TLK2: variants seen among roughly 807,000 people sequenced by gnomAD.
The protein encoded by TLK2 is serine/threonine-protein kinase tousled-like 2.
TLK2 carries 6 observed loss-of-function variants against 117.3 expected under a neutral mutation model. That is an observed-to-expected ratio of 0.05 (90% CI 0.03 to 0.10). TLK2 has a LOEUF of 0.10. Among genes scored for constraint, TLK2 ranks in the 10% least tolerant of loss-of-function variants. TLK2 has a pLI of 1.00. For synonymous variants in TLK2, 257 were observed against 316.7 expected, an observed-to-expected ratio of 0.81 and a Z score of 2.00; for missense variants, 299 against 901.2, an observed-to-expected ratio of 0.33 and a Z score of 8.56.
intron 6 of TLK2, among the ~76,000 whole-genome samples, chr17:62,529,695 T>G (rs140888502): frequency 6.6e-6 from 1 of 152,346 alleles, no homozygotes; most frequent in East Asian, 1.9e-4. Flanking sequence ...CTAAAATTTT[T>G]TATTATCCTA....
In TLK2 at chr17:62,605,500, G is replaced by A. The variant is rs374764180; in HGVS notation, c.1860-630G>A. Among the ~76,000 whole-genome samples the A allele has an allele frequency of 1.5e-3, 231 of 152,090 alleles. 8 individuals are homozygous for A. In the South Asian group the frequency reaches 0.046, roughly 30 times the overall value. On this transcript the variant is annotated intron_variant, in intron 19 of 21. Coordinates refer to ENST00000346027, the MANE Select transcript of TLK2 (RefSeq NM_006852.6). ...TGATCCTCCCGCCTCAGCTTCCCAAGCAGCTGGAGCTACAGGGGTGTGCTA... is the reference window on the plus strand; with the variant it reads ...TGATCCTCCCGCCTCAGCTTCCCAAACAGCTGGAGCTACAGGGGTGTGCTA...
At chr17:62,524,950 A>G (rs2076274800) in intron 6 of TLK2, among the ~76,000 whole-genome samples, 1 of 152,224 alleles carries the variant, frequency 6.6e-6, no homozygotes, top group Non-Finnish European at 1.5e-5. Context: ...GCTGGTAAAC[A>G]TTCTGTAATG....
At chr17:62,499,714 G>C (rs972239650) in intron 2 of TLK2, among the ~76,000 whole-genome samples, 8 of 151,988 alleles carry the variant, frequency 5.3e-5, no homozygotes, top group African/African-American at 1.5e-4. Context: ...AGCCGGGCAT[G>C]GTGGCATGTG....
At position 62,517,680 on chromosome 17, in the gene TLK2, C is replaced by T. The variant is rs115198630; in HGVS notation, c.82-3093C>T. Among the ~76,000 whole-genome samples, 873 of 151,458 alleles carry T rather than the reference C, an allele frequency of 5.8e-3. 9 individuals are homozygous for T. Among genetic ancestry groups the T allele is most frequent in the African/African-American group, 0.02 (832 of 41,232 alleles). ...TACAGGCGTGAGCCACCACGCCGGC[C>T]GAATTTTTTAAAATTAATTATTATT... On this transcript the variant is annotated intron_variant, in intron 2 of 21. Transcript: ENST00000346027.
At chr17:62,548,350 C>T (rs2078122879) in intron 7 of TLK2, among the ~76,000 whole-genome samples, 1 of 150,992 alleles carries the variant, frequency 6.6e-6, no homozygotes, top group Non-Finnish European at 1.5e-5. Context: ...GGTACGATCT[C>T]GACTCACTGC....
intron 7 of TLK2, 128 bp downstream of exon 7, chr17:62,536,465 C>G: frequency 2.0e-6 from 2 of 1,019,462 alleles, no homozygotes; most frequent in Non-Finnish European, 2.8e-6. Flanking sequence ...TGTGATCTCC[C>G]CTTATCATCA....
At position 62,576,696 on chromosome 17, in the gene TLK2, C is replaced by T. The variant is rs746978581; in HGVS notation, c.1122-13C>T. The T allele has an allele frequency of 8.1e-6, 13 of 1,607,662 alleles. No individual in the cohort carries two copies. Among genetic ancestry groups the T allele is most frequent in the Admixed American group, 6.7e-5 (4 of 59,290 alleles). The stretch of plus-strand genomic sequence containing the variant: ...TCTAGTAGTTTACTGAAACTTTTAC[C>T]ACTGTTTTTCAGGTTAACGTTAGCA... On this transcript the variant is annotated splice_polypyrimidine_tract_variant and intron_variant, in intron 12 of 21. Coordinates refer to ENST00000346027, the MANE Select transcript of TLK2 (RefSeq NM_006852.6).
chr17:62,543,847 A>T (rs1424351625), intron 7 of TLK2, among the ~76,000 whole-genome samples: 1 of 152,256 alleles, frequency 6.6e-6, no homozygotes, highest in Non-Finnish European at 1.5e-5. Context: ...AGTTCAATTT[A>T]TCTGTTTTTT....
chr17:62,528,609 G>T (rs1245744959), intron 6 of TLK2, among the ~76,000 whole-genome samples: 2 of 151,994 alleles, frequency 1.3e-5, no homozygotes, highest in South Asian at 4.1e-4. Flanking sequence ...TAGACACGAG[G>T]TTTCGCCATG....
At chr17:62,562,668 G>A (rs776616196) in intron 10 of TLK2, among the ~76,000 whole-genome samples, 1 of 152,160 alleles carries the variant, frequency 6.6e-6, no homozygotes, top group Non-Finnish European at 1.5e-5. Flanking sequence ...TCCAAGGGTT[G>A]GTGAAGATGA....
At chr17:62,495,217 T>C (rs2073525950) in intron 2 of TLK2, among the ~76,000 whole-genome samples, 1 of 151,682 alleles carries the variant, frequency 6.6e-6, no homozygotes, top group Admixed American at 6.6e-5. Context: ...TGGCCGGGCA[T>C]GAGGTGGTGG....
intron 16 of TLK2, among the ~76,000 whole-genome samples, chr17:62,590,704 C>T (rs1223251849): frequency 6.6e-6 from 1 of 152,110 alleles, no homozygotes; most frequent in Non-Finnish European, 1.5e-5. Context: ...GTCTTTAACT[C>T]CTGGGCTCAA....
At chr17:62,518,515 C>G (rs1372895039) in intron 2 of TLK2, among the ~76,000 whole-genome samples, 4 of 151,930 alleles carry the variant, frequency 2.6e-5, no homozygotes, top group African/African-American at 9.7e-5. Context: ...ACCAGCATGG[C>G]CAACATGGTG....
chr17:62,507,889 A>C (rs1158950277), intron 2 of TLK2, among the ~76,000 whole-genome samples: 3 of 152,006 alleles, frequency 2.0e-5, no homozygotes, highest in Admixed American at 2.0e-4. Flanking sequence ...GTACATTTTA[A>C]GTATATTAGA....
At chr17:62,542,065 C>T (rs2077574288) in intron 7 of TLK2, among the ~76,000 whole-genome samples, 1 of 152,290 alleles carries the variant, frequency 6.6e-6, no homozygotes, top group East Asian at 1.9e-4. Context: ...AAGGTCATTT[C>T]CTCTTCTATT....
At chr17:62,482,852 A>G (rs909590731) in intron 2 of TLK2, among the ~76,000 whole-genome samples, 8 of 152,202 alleles carry the variant, frequency 5.3e-5, no homozygotes, top group Admixed American at 2.0e-4. Flanking sequence ...GTACCTCCAC[A>G]TCTGCAGTAT....
rs778276252 is a variant in TLK2 at position 62,522,290 on chromosome 17, A to G, written c.223+17A>G. The G allele has an allele frequency of 4.4e-6, 7 of 1,607,754 alleles. No homozygotes were observed. The highest frequency in any genetic ancestry group is 5.9e-6 in the Non-Finnish European group (7 of 1,177,354). ...CTAGCCAAGGTAGTAATAATTTCGTATCAACAAAAGTACTCAATTCTAATG... is the reference window on the plus strand; with the variant it reads ...CTAGCCAAGGTAGTAATAATTTCGTGTCAACAAAAGTACTCAATTCTAATG... On this transcript the variant is annotated intron_variant, in intron 4 of 21. Coordinates refer to ENST00000346027, the MANE Select transcript of TLK2 (RefSeq NM_006852.6).
At chr17:62,565,251 G>A (rs528005059) in intron 11 of TLK2, 114 bp downstream of exon 11, 1 of 1,285,930 alleles carries the variant, frequency 7.8e-7, no homozygotes, top group Non-Finnish European at 1.0e-6. Context: ...TTTTCAGTTA[G>A]TTTTTTAGTC....
rs2077726941 is a variant in TLK2, at chr17:62,544,020, G to C, written c.531+7683G>C. 2.0e-5 allele frequency among the ~76,000 whole-genome samples: 3 copies of C among 152,214 alleles called. No individual in the cohort carries two copies. In the South Asian group the frequency reaches 6.2e-4, roughly 32 times the overall value. On this transcript the variant is annotated intron_variant, in intron 7 of 21. Transcript: ENST00000346027. ...TAATTTTTGTGTGTGGTATGAGGAA[G>C]GAGTTCCAACTTCATTTTTTTTGCA... is the stretch of plus-strand genomic sequence containing the variant.
Sources: gnomAD v4.1 joint callset for allele counts (sites outside exome capture counted in the v4.1 genomes callset) on GRCh38, gnomAD v4.1.1 for gene constraint, MANE v1.5 for transcripts, NCBI Gene and HGNC (gene_info 2026-07-23, HGNC 2026-07-21) for gene names.